Variants in SLCO3A1 observed in about 807,000 individuals in gnomAD.
SLCO3A1 encodes the protein solute carrier organic anion transporter family member 3A1, also known as PGE1 transporter.
In SLCO3A1, 27 loss-of-function variants were observed where a neutral mutation model predicts 63.1. The ratio of observed to expected loss-of-function variants is 0.43; its 90% CI spans 0.32 to 0.59. SLCO3A1 has a LOEUF of 0.59. Ranked by LOEUF, SLCO3A1 falls within the 20% of genes least tolerant of loss-of-function variation. The pLI, the probability that SLCO3A1 is intolerant of heterozygous loss-of-function variation, is 0.09. For missense variants in SLCO3A1, 773 were observed against 945.8 expected, an observed-to-expected ratio of 0.82 and a Z score of 2.40; for synonymous variants, 473 against 409.9, an observed-to-expected ratio of 1.15 and a Z score of -1.86.
chr15:91,962,108 A>G (rs1195080799), intron 2 of SLCO3A1, among the ~76,000 whole-genome samples: 1 of 152,206 alleles, frequency 6.6e-6, no homozygotes, highest in African/African-American at 2.4e-5. Context: ...TCTGGCGGTC[A>G]TACAGACAGG....
intron 2 of SLCO3A1, among the ~76,000 whole-genome samples, chr15:91,992,922 G>T (rs1191455173): frequency 2.6e-5 from 4 of 152,196 alleles, no homozygotes; most frequent in African/African-American, 9.6e-5. Context: ...GCATGGATCT[G>T]TTGTGAAAAA....
intron 2 of SLCO3A1, among the ~76,000 whole-genome samples, chr15:92,009,661 G>C (rs1198282311): frequency 6.6e-6 from 1 of 152,188 alleles, no homozygotes; most frequent in Non-Finnish European, 1.5e-5. Context: ...TTGAATGACA[G>C]TACCCACATC....
intron 2 of SLCO3A1, among the ~76,000 whole-genome samples, chr15:92,006,482 G>C (rs1363031038): frequency 3.3e-5 from 5 of 152,166 alleles, no homozygotes; most frequent in African/African-American, 7.2e-5. Flanking sequence ...GTCAATCTCT[G>C]TGAGTCTTTT....
intron 2 of SLCO3A1, among the ~76,000 whole-genome samples, chr15:91,971,391 T>C (rs1372415760): frequency 7.5e-4 from 1 of 1,328 alleles, no homozygotes; most frequent in Non-Finnish European, 1.8e-3. Flanking sequence ...CGAGACTCCA[T>C]CTCAAAAAAA....
intron 2 of SLCO3A1, among the ~76,000 whole-genome samples, chr15:92,078,899 C>T (rs753525715): frequency 9.2e-5 from 14 of 152,210 alleles, no homozygotes; most frequent in African/African-American, 3.1e-4. Flanking sequence ...AGCTCTGGCC[C>T]TACGCTATGA....
rs77616991 is a variant in SLCO3A1, at chr15:91,953,660, T to C, written c.646+37202T>C. 2.4e-4 allele frequency among the ~76,000 whole-genome samples: 36 copies of C among 152,128 alleles called. No homozygotes were observed. In the East Asian group the frequency reaches 4.3e-3, roughly 18 times the overall value. The stretch of plus-strand genomic sequence containing the variant: ...CCACCCAGGAGTGGGGAAAGTGAGG[T>C]TGGCAGTGGGAATTTCCCACCTCTG... On this transcript the variant is annotated intron_variant, in intron 2 of 9. Coordinates refer to ENST00000318445, the MANE Select transcript of SLCO3A1 (RefSeq NM_013272.4).
chr15:92,076,866 G>A lies in SLCO3A1; in HGVS notation c.647-18015G>A, dbSNP rs537598774. Among the ~76,000 whole-genome samples, 90 of 152,298 alleles carry A rather than the reference G, an allele frequency of 5.9e-4. 1 individual carries two copies. The South Asian group carries it at 0.018, about 31-fold the overall frequency. The stretch of plus-strand genomic sequence containing the variant: ...TGGGAAGATGAACCGAGTCAAGTAC[G>A]GACTGTATGAGATTGGGGAGTGTAT... On this transcript the variant is annotated intron_variant, in intron 2 of 9. Coordinates refer to ENST00000318445, the MANE Select transcript of SLCO3A1 (RefSeq NM_013272.4).
intron 7 of SLCO3A1, among the ~76,000 whole-genome samples, chr15:92,145,825 C>G (rs992030087): frequency 6.6e-6 from 1 of 152,132 alleles, no homozygotes; most frequent in African/African-American, 2.4e-5. Context: ...GTACGTCTGC[C>G]CCCATTCCTT....
intron 2 of SLCO3A1, among the ~76,000 whole-genome samples, chr15:91,939,578 G>A (rs192113278): frequency 8.5e-5 from 13 of 152,238 alleles, no homozygotes; most frequent in South Asian, 2.1e-4. Flanking sequence ...TGGATGCCAC[G>A]CTGCTGCCAG....
chr15:91,904,188 A>G (rs1012445664), intron 1 of SLCO3A1, among the ~76,000 whole-genome samples: 1 of 152,144 alleles, frequency 6.6e-6, no homozygotes, highest in Non-Finnish European at 1.5e-5. Flanking sequence ...TCATGCACGG[A>G]TGTTCACCTC....
At chr15:92,144,557 A>G (rs1319656111) in intron 7 of SLCO3A1, among the ~76,000 whole-genome samples, 1 of 152,206 alleles carries the variant, frequency 6.6e-6, no homozygotes, top group African/African-American at 2.4e-5. Flanking sequence ...CGCAACGGTA[A>G]CTTCTGTTGT....
intron 2 of SLCO3A1, among the ~76,000 whole-genome samples, chr15:92,091,048 G>T (rs1567114396): frequency 6.6e-6 from 1 of 152,128 alleles, no homozygotes; most frequent in Non-Finnish European, 1.5e-5. Flanking sequence ...TCCCTTAGGG[G>T]GTTAGAAAAC....
At chr15:92,063,525 C>T (rs2047111078) in intron 2 of SLCO3A1, among the ~76,000 whole-genome samples, 1 of 152,206 alleles carries the variant, frequency 6.6e-6, no homozygotes, top group Admixed American at 6.5e-5. Context: ...ATTAGTTAAA[C>T]TCCACCTGCA....
At chr15:92,108,804 T>A (rs2047695319) in intron 4 of SLCO3A1, among the ~76,000 whole-genome samples, 1 of 152,070 alleles carries the variant, frequency 6.6e-6, no homozygotes, top group Non-Finnish European at 1.5e-5. Flanking sequence ...GGCTGGACTG[T>A]TTCTCACCTC....
intron 8 of SLCO3A1, among the ~76,000 whole-genome samples, chr15:92,147,464 A>G (rs1251565829): frequency 6.6e-6 from 1 of 152,102 alleles, no homozygotes; most frequent in Non-Finnish European, 1.5e-5. Flanking sequence ...TCGTTGGAGG[A>G]AAATGAAAGT....
In SLCO3A1 at chr15:91,863,422, C is replaced by G. The variant is rs1013318793; in HGVS notation, c.180+9334C>G. Reference sequence around the variant, plus strand: ...TGCTCGTGCAGTGTAGTGGGATGGCCGTGAGTACAACCACTGCCGGTTGTG... The same window carrying G: ...TGCTCGTGCAGTGTAGTGGGATGGCGGTGAGTACAACCACTGCCGGTTGTG... On this transcript the variant is annotated intron_variant, in intron 1 of 9. Coordinates refer to ENST00000318445, the MANE Select transcript of SLCO3A1 (RefSeq NM_013272.4). The surrounding 1 kb of genome is among the most constrained non-coding windows in gnomAD (Gnocchi z 4.3). Among the ~76,000 whole-genome samples, 9 of 152,330 alleles carry G rather than the reference C, an allele frequency of 5.9e-5. No individual in the cohort carries two copies. The highest frequency in any genetic ancestry group is 3.4e-3 in the Middle Eastern group (1 of 294).
In SLCO3A1 at chr15:91,992,824, A is replaced by G. The variant is rs895769500; in HGVS notation, c.646+76366A>G. Among the ~76,000 whole-genome samples, 6 of 152,322 alleles carry G rather than the reference A, an allele frequency of 3.9e-5. No individual in the cohort carries two copies. The East Asian group carries it at 1.2e-3, about 29-fold the overall frequency. On this transcript the variant is annotated intron_variant, in intron 2 of 9. Coordinates refer to ENST00000318445, the MANE Select transcript of SLCO3A1 (RefSeq NM_013272.4). ...TCTGGTGAGTTAAGGCAATGGCACA[A>G]TTATAATCCTGGGTTGAACTGTCAA...
chr15:92,054,750 G>T (rs1490601523), intron 2 of SLCO3A1, among the ~76,000 whole-genome samples: 1 of 152,076 alleles, frequency 6.6e-6, no homozygotes, highest in African/African-American at 2.4e-5. Context: ...TGGCTTCCAG[G>T]TTTATCCATG....
intron 2 of SLCO3A1, among the ~76,000 whole-genome samples, chr15:92,078,664 C>T (rs2047307703): frequency 6.6e-6 from 1 of 152,204 alleles, no homozygotes; most frequent in African/African-American, 2.4e-5. Flanking sequence ...TAGTCCTCTG[C>T]TTTGTTTTTA....
Sources: allele counts gnomAD v4.1 joint callset (sites outside exome capture counted in the v4.1 genomes callset), GRCh38; gene constraint gnomAD v4.1.1; non-coding constraint Gnocchi (gnomAD v3.1); transcripts MANE v1.5; gene names NCBI Gene and HGNC (gene_info 2026-07-23, HGNC 2026-07-21).